Variants in BAZ2B observed in about 807,000 individuals in gnomAD.
The protein encoded by BAZ2B is bromodomain adjacent to zinc finger domain 2B.
BAZ2B carries 91 observed loss-of-function variants against 246.0 expected under a neutral mutation model. That is an observed-to-expected ratio of 0.37 (90% CI 0.31 to 0.44). The LOEUF (loss-of-function observed/expected upper bound fraction) is 0.44, where lower values mean the gene tolerates loss of function less well. BAZ2B is among the 20% of genes least tolerant of loss of function. BAZ2B has a pLI of 1.00. For synonymous variants in BAZ2B, 855 were observed against 860.0 expected (o/e 0.99, Z 0.10); for missense variants, 2,332 against 2,533.7 (o/e 0.92, Z 1.71).
intron 34 of BAZ2B, among the ~76,000 whole-genome samples, chr2:159,329,177 AC>A (rs1344136316): frequency 2.0e-5 from 3 of 151,410 alleles, no homozygotes; most frequent in Non-Finnish European, 4.4e-5. Flanking sequence ...AAAAAATCCA[AC>A]CCCCTCATAA....
At chr2:159,535,997 GAATA>G (rs1178654473) in intron 2 of BAZ2B, among the ~76,000 whole-genome samples, 1 of 152,174 alleles carries the variant, frequency 6.6e-6, no homozygotes, top group Non-Finnish European at 1.5e-5. Context: ...CATTAGAAAA[GAATA>G]ATTAATAGAA....
rs1189594407 is a variant in BAZ2B at position 159,332,954 on chromosome 2, A to G, written c.5797-268T>C. ...CAGAATGCCTTGCACACACTTCAGA[A>G]GCATGTACACATTAACATATGAAAT... On this transcript the variant is annotated intron_variant, in intron 33 of 36. Coordinates refer to ENST00000392783, the MANE Select transcript of BAZ2B (RefSeq NM_013450.4). 7 of 342,716 alleles carry G rather than the reference A, an allele frequency of 2.0e-5. 1 individual carries two copies. The East Asian group carries it at 2.0e-4, about 10-fold the overall frequency. 21.2% of individuals were successfully genotyped at this position (342,716 alleles called of 1,614,324 possible).
chr2:159,689,162 G>GT, the BAZ2B span: 1 of 408,248 alleles, frequency 2.4e-6, no homozygotes, highest in Admixed American at 3.8e-5. Context: ...AAAAGCGCAC[G>GT]TATTTTTCTC....
chr2:159,420,398 C>A (rs1014710202), intron 13 of BAZ2B, among the ~76,000 whole-genome samples: 2 of 152,082 alleles, frequency 1.3e-5, no homozygotes, highest in African/African-American at 4.8e-5. Context: ...GTACTTTTTT[C>A]TAAATGCAAC....
At chr2:159,707,630 G>A in the BAZ2B span, among the ~76,000 whole-genome samples, 10 of 151,810 alleles carry the variant, frequency 6.6e-5, no homozygotes, top group Non-Finnish European at 1.0e-4. Context: ...GTTCAAGACC[G>A]GCCTGAATAA....
chr2:159,479,200 C>T (rs1362012010), intron 2 of BAZ2B, among the ~76,000 whole-genome samples: 1 of 151,968 alleles, frequency 6.6e-6, no homozygotes, highest in Non-Finnish European at 1.5e-5. Flanking sequence ...GCCTGGGAAT[C>T]CCCCCCATAC....
chr2:159,395,591 T>C, intron 20 of BAZ2B, 178 bp downstream of exon 20: 3 of 480,560 alleles, frequency 6.2e-6, no homozygotes, highest in South Asian at 7.2e-5. Flanking sequence ...ATTGGAACTC[T>C]TCCTACATTC....
At chr2:159,462,549 C>T in intron 3 of BAZ2B, 1 of 888,230 alleles carries the variant, frequency 1.1e-6, no homozygotes. Context: ...TATTCATTTT[C>T]TGCATTCTCT....
chr2:159,370,146 AACATCACACACTGGG>A, intron 27 of BAZ2B, among the ~76,000 whole-genome samples: 1 of 152,218 alleles, frequency 6.6e-6, no homozygotes, highest in South Asian at 2.1e-4. Flanking sequence ...CAGGAAGGGG[AACATCACACACTGGG>A]GCCTGTCGTG....
the BAZ2B span, chr2:159,689,372 CTTTTTTTT>C: frequency 6.0e-6 from 1 of 165,582 alleles, no homozygotes; most frequent in Non-Finnish European, 1.1e-5. Flanking sequence ...TTTTACTTTC[CTTTTTTTT>C]TTTTTTTTTG....
chr2:159,464,885 T>C (rs1357692383), intron 3 of BAZ2B: 1 of 152,214 alleles, frequency 6.6e-6, no homozygotes, highest in Non-Finnish European at 1.5e-5. Flanking sequence ...AAAAGTAATA[T>C]AATTCTTGTT....
At position 159,521,656 on chromosome 2, in the gene BAZ2B, G is replaced by C. The variant is rs1459906536; in HGVS notation, c.-3+34167C>G. 2.0e-5 allele frequency among the ~76,000 whole-genome samples: 3 copies of C among 151,956 alleles called. No individual in the cohort carries two copies. The East Asian group carries it at 5.8e-4, about 29-fold the overall frequency. ...TTAGATTTTAGAACTTATGGGTGAA[G>C]CAAAATCAACTCTATATTACAATGT... On this transcript the variant is annotated intron_variant, in intron 2 of 36. Coordinates refer to ENST00000392783, the MANE Select transcript of BAZ2B (RefSeq NM_013450.4).
At chr2:159,639,443 A>G in the BAZ2B span, among the ~76,000 whole-genome samples, 2 of 152,218 alleles carry the variant, frequency 1.3e-5, no homozygotes, top group Non-Finnish European at 2.9e-5. Context: ...GAAAGAATAA[A>G]TGATAAAACA....
intron 3 of BAZ2B, among the ~76,000 whole-genome samples, chr2:159,473,087 A>G (rs2078025960): frequency 6.6e-6 from 1 of 152,208 alleles, no homozygotes; most frequent in Non-Finnish European, 1.5e-5. Flanking sequence ...TACCTCTGGT[A>G]GAATTCGGCT....
chr2:159,566,420 G>C (rs968454417), intron 1 of BAZ2B, among the ~76,000 whole-genome samples: 2 of 152,166 alleles, frequency 1.3e-5, no homozygotes, highest in Non-Finnish European at 2.9e-5. Context: ...ATCACAGTTA[G>C]ATTTAGACTG....
At chr2:159,662,347 T>C in the BAZ2B span, among the ~76,000 whole-genome samples, 22 of 152,372 alleles carry the variant, frequency 1.4e-4, no homozygotes, top group African/African-American at 4.8e-4. Flanking sequence ...ATTTAAGGTA[T>C]ATACCTAAAT....
chr2:159,709,788 T>A, the BAZ2B span, among the ~76,000 whole-genome samples: 1 of 152,138 alleles, frequency 6.6e-6, no homozygotes, highest in Non-Finnish European at 1.5e-5. Flanking sequence ...TTCTAAGCTA[T>A]CAGGTGGAAG....
chr2:159,684,539 T>C, the BAZ2B span, among the ~76,000 whole-genome samples: 1 of 152,244 alleles, frequency 6.6e-6, no homozygotes, highest in African/African-American at 2.4e-5. Context: ...CTTTTTCTCT[T>C]TGTAAAGGCT....
At chr2:159,629,769 C>A in the BAZ2B span, among the ~76,000 whole-genome samples, 2 of 151,974 alleles carry the variant, frequency 1.3e-5, no homozygotes, top group African/African-American at 2.4e-5. Context: ...CATTTGTATA[C>A]CTACATAACA....
Sources: gnomAD v4.1 joint callset for allele counts (sites outside exome capture counted in the v4.1 genomes callset) on GRCh38, gnomAD v4.1.1 for gene constraint, MANE v1.5 for transcripts, NCBI Gene and HGNC (gene_info 2026-07-23, HGNC 2026-07-21) for gene names.